The following MEIS1 variants were observed in gnomAD, a reference collection of about 807,000 sequenced individuals.
MEIS1 encodes Meis homeobox 1.
In MEIS1, 5 loss-of-function variants were observed where a neutral mutation model predicts 50.8. The observed-to-expected ratio is 0.10, with a 90% CI of 0.05 to 0.21. MEIS1 has a LOEUF of 0.21. MEIS1 is among the 10% of genes least tolerant of loss of function. MEIS1 has a pLI of 1.00. For synonymous variants in MEIS1, 176 were observed against 179.3 expected (o/e 0.98, Z 0.15); for missense variants, 318 against 517.3 (o/e 0.61, Z 3.74).
At chr2:66,477,671 G>C (rs1373331013) in intron 7 of MEIS1, among the ~76,000 whole-genome samples, 1 of 152,172 alleles carries the variant, frequency 6.6e-6, no homozygotes, top group African/African-American at 2.4e-5. Flanking sequence ...TCAGTTTACT[G>C]CTCTGAAAAT....
intron 7 of MEIS1, chr2:66,508,940 C>T (rs1235080886): frequency 1.6e-5 from 7 of 450,268 alleles, no homozygotes; most frequent in South Asian, 1.2e-4. Flanking sequence ...GAAGTCAGCT[C>T]CAGGAATGAA....
chr2:66,507,359 G>A (rs187175038), intron 7 of MEIS1, among the ~76,000 whole-genome samples: 2 of 152,254 alleles, frequency 1.3e-5, no homozygotes, highest in East Asian at 1.9e-4. Context: ...ATACAAAATT[G>A]TAAATGAAAA....
At chr2:66,499,211 G>C (rs1275229362) in intron 7 of MEIS1, among the ~76,000 whole-genome samples, 1 of 152,098 alleles carries the variant, frequency 6.6e-6, no homozygotes, top group Non-Finnish European at 1.5e-5. Context: ...AGAATAACAA[G>C]TCTTTATTTT....
At chr2:66,534,551 T>A (rs1400515892) in intron 8 of MEIS1, among the ~76,000 whole-genome samples, 2 of 93,418 alleles carry the variant, frequency 2.1e-5, no homozygotes, top group Non-Finnish European at 4.6e-5. Context: ...AAAAAATTCT[T>A]TTAAAATGTT....
At position 66,441,333 on chromosome 2, in the gene MEIS1, T is replaced by TG. The variant is rs761219990; in HGVS notation, c.433-78dup. On this transcript the variant is annotated intron_variant, in intron 4 of 12. Coordinates refer to ENST00000272369, the MANE Select transcript of MEIS1 (RefSeq NM_002398.3). ...AACTCTATTTACTGGTGGGAGGGGG[T>TG]GGGCTGGAGATGGTAGAGCTGTGGC... is the stretch of plus-strand genomic sequence containing the variant. 8.1e-4 allele frequency: 977 copies of TG among 1,211,760 alleles called. 4 individuals carry two copies. The highest frequency in any genetic ancestry group is 8.8e-4 in the Non-Finnish European group (772 of 880,258). 75.1% of individuals were successfully genotyped at this position (1,211,760 alleles called of 1,614,324 possible).
rs1675505278 is a variant in MEIS1 at position 66,572,460 on chromosome 2, T to C, written c.*1252T>C. On this transcript the variant is annotated 3_prime_UTR_variant, in exon 13 of 13. Transcript: ENST00000272369. ...TGCAAAAAGGACTGGAAAAATGAAC[T>C]GTATTATTGCAATTTTTTTTTGTAA... 1 of 152,200 alleles carries C rather than the reference T, an allele frequency of 6.6e-6. No homozygotes were observed. 9.4% of individuals were successfully genotyped at this position (152,200 alleles called of 1,614,324 possible).
chr2:66,543,287 C>T (rs985301155), intron 8 of MEIS1, among the ~76,000 whole-genome samples: 5 of 152,180 alleles, frequency 3.3e-5, no homozygotes, highest in African/African-American at 1.2e-4. Flanking sequence ...TAAGCAATCA[C>T]TCTATACTGG....
chr2:66,441,266 T>G, intron 4 of MEIS1, 148 bp from the exon 5 acceptor site: 2 of 607,098 alleles, frequency 3.3e-6, no homozygotes, highest in South Asian at 5.1e-5. Flanking sequence ...TGGTACCCAG[T>G]TGCTGCTATT....
chr2:66,473,397 A>AAAAAAAAAAATATATATAT, intron 7 of MEIS1, among the ~76,000 whole-genome samples: 23 of 107,582 alleles, frequency 2.1e-4, no homozygotes, highest in African/African-American at 1.2e-3. Context: ...AAAAAAAAAA[A>AAAAAAAAAAATATATATAT]ATATATATAT....
At chr2:66,540,917 A>G (rs529350184) in intron 8 of MEIS1, among the ~76,000 whole-genome samples, 19 of 152,294 alleles carry the variant, frequency 1.2e-4, no homozygotes, top group African/African-American at 4.6e-4. Flanking sequence ...GTTTCTTAAT[A>G]TAAGTATCTG....
intron 7 of MEIS1, among the ~76,000 whole-genome samples, chr2:66,497,560 CT>C (rs1385330370): frequency 6.6e-6 from 1 of 152,088 alleles, no homozygotes; most frequent in Non-Finnish European, 1.5e-5. Flanking sequence ...AATGATATAA[CT>C]TTTTTCCTTA....
At chr2:66,521,162 C>A (rs1401807026) in intron 8 of MEIS1, among the ~76,000 whole-genome samples, 1 of 152,182 alleles carries the variant, frequency 6.6e-6, no homozygotes, top group Admixed American at 6.5e-5. Context: ...TATTTTGTGA[C>A]AATCTTGATA....
At chr2:66,437,639 C>G in intron 1 of MEIS1, 98 bp from the exon 2 acceptor site, 2 of 1,047,252 alleles carry the variant, frequency 1.9e-6, no homozygotes, top group South Asian at 2.7e-5. Context: ...GGTGGAAGGA[C>G]CCAGCTGTAT....
intron 5 of MEIS1, 47 bp downstream of exon 5, chr2:66,441,511 A>C: frequency 7.1e-7 from 1 of 1,412,060 alleles, no homozygotes; most frequent in Non-Finnish European, 9.6e-7. Context: ...TTACCCCCAA[A>C]CACACAGGGG....
At chr2:66,466,525 T>G (rs1386587891) in intron 7 of MEIS1, among the ~76,000 whole-genome samples, 1 of 152,216 alleles carries the variant, frequency 6.6e-6, no homozygotes. Context: ...AAACCTTTTT[T>G]TCATCCCTGA....
At chr2:66,567,002 G>A (rs918499698) in intron 9 of MEIS1, among the ~76,000 whole-genome samples, 26 of 152,096 alleles carry the variant, frequency 1.7e-4, no homozygotes, top group South Asian at 2.1e-4. Context: ...GTTTGCAAGA[G>A]GTAGGGGTGG....
intron 12 of MEIS1, chr2:66,569,964 C>T (rs917028072): frequency 2.6e-5 from 4 of 152,254 alleles, no homozygotes; most frequent in African/African-American, 7.2e-5. Flanking sequence ...TCCAGCAATT[C>T]GAGTTCAAAC....
chr2:66,435,808 T>C lies in MEIS1; in HGVS notation c.-49T>C, dbSNP rs1182225688. ...TATTTGTTTCTTTTCACACTGGCCT[T>C]AAAGAGGATATATTAGAAGTTGAAG... is the stretch of plus-strand genomic sequence containing the variant. On this transcript the variant is annotated 5_prime_UTR_variant, in exon 1 of 13. Coordinates refer to ENST00000272369, the MANE Select transcript of MEIS1 (RefSeq NM_002398.3). 5 of 1,457,696 alleles carry C rather than the reference T, an allele frequency of 3.4e-6. No homozygotes were observed. Among genetic ancestry groups the C allele is most frequent in the Non-Finnish European group, 4.6e-6 (5 of 1,078,276 alleles). 90.3% of individuals were successfully genotyped at this position (1,457,696 alleles called of 1,614,324 possible). A position where few individuals can be genotyped will look rare whatever the true frequency, so the allele number is the denominator to read the frequency against.
chr2:66,489,546 T>G lies in MEIS1; in HGVS notation c.743-22603T>G, dbSNP rs1461092398. ...CAACTTGCTTAAATATTGGAAGCTCTCAGGATGTGGAATAAGCATGGCATT... is the reference window on the plus strand; with the variant it reads ...CAACTTGCTTAAATATTGGAAGCTCGCAGGATGTGGAATAAGCATGGCATT... On this transcript the variant is annotated intron_variant, in intron 7 of 12. Coordinates refer to ENST00000272369, the MANE Select transcript of MEIS1 (RefSeq NM_002398.3). 2.0e-5 allele frequency among the ~76,000 whole-genome samples: 3 copies of G among 152,232 alleles called. 1 individual carries two copies. The highest frequency in any genetic ancestry group is 7.2e-5 in the African/African-American group (3 of 41,470).
Sources: allele counts gnomAD v4.1 joint callset (sites outside exome capture counted in the v4.1 genomes callset), GRCh38; gene constraint gnomAD v4.1.1; transcripts MANE v1.5; gene names NCBI Gene and HGNC (gene_info 2026-07-23, HGNC 2026-07-21).